The following SAMD12 variants were observed in gnomAD, a reference collection of about 807,000 sequenced individuals.
SAMD12 encodes sterile alpha motif domain containing 12.
In SAMD12, 9 loss-of-function variants were observed where a neutral mutation model predicts 15.0. The observed-to-expected ratio is 0.60, with a 90% CI of 0.36 to 1.05. The LOEUF (loss-of-function observed/expected upper bound fraction) is 1.05, where lower values mean the gene tolerates loss of function less well. Among genes scored for constraint, SAMD12 ranks in the 50% least tolerant of loss-of-function variants. The pLI is 0.01. For synonymous variants in SAMD12, 86 were observed against 90.1 expected, an observed-to-expected ratio of 0.96 and a Z score of 0.25; for missense variants, 230 against 234.2, an observed-to-expected ratio of 0.98 and a Z score of 0.12.
intron 2 of SAMD12, among the ~76,000 whole-genome samples, chr8:118,444,592 C>A (rs1822854897): frequency 6.9e-6 from 1 of 145,132 alleles, no homozygotes; most frequent in African/African-American, 2.6e-5. Flanking sequence ...ATAATAAATT[C>A]AGCTATGTTT....
intron 2 of SAMD12, among the ~76,000 whole-genome samples, chr8:118,468,797 T>C (rs1214610363): frequency 6.6e-6 from 1 of 152,166 alleles, no homozygotes; most frequent in African/African-American, 2.4e-5. Context: ...GTATTAATTC[T>C]TGTCACTGTG....
chr8:118,554,361 T>G (rs560817305), intron 2 of SAMD12, among the ~76,000 whole-genome samples: 2 of 151,880 alleles, frequency 1.3e-5, no homozygotes, highest in Non-Finnish European at 2.9e-5. Flanking sequence ...CCATAAAAAA[T>G]GATGAGTTCA....
intron 4 of SAMD12, among the ~76,000 whole-genome samples, chr8:118,223,108 A>G (rs1246306050): frequency 1.3e-5 from 2 of 152,216 alleles, no homozygotes; most frequent in Non-Finnish European, 2.9e-5. Flanking sequence ...AGAGATATTA[A>G]TATGAGGGTT....
intron 2 of SAMD12, among the ~76,000 whole-genome samples, chr8:118,560,220 T>C (rs1398317592): frequency 1.3e-5 from 2 of 152,254 alleles, no homozygotes; most frequent in African/African-American, 4.8e-5. Context: ...TCCTCAGTCA[T>C]GCCTTCCTAT....
At chr8:118,168,902 A>G in the SAMD12 span, among the ~76,000 whole-genome samples, 1 of 152,234 alleles carries the variant, frequency 6.6e-6, no homozygotes, top group African/African-American at 2.4e-5. Context: ...AGAAAGAAAA[A>G]GAATATTAAT....
At chr8:118,306,826 T>C (rs1815374058) in intron 4 of SAMD12, among the ~76,000 whole-genome samples, 1 of 152,188 alleles carries the variant, frequency 6.6e-6, no homozygotes, top group South Asian at 2.1e-4. Flanking sequence ...TAAAGCAAGG[T>C]CCTTGATCTT....
chr8:118,136,651 A>G, the SAMD12 span, among the ~76,000 whole-genome samples: 1 of 152,160 alleles, frequency 6.6e-6, no homozygotes, highest in Non-Finnish European at 1.5e-5. Flanking sequence ...AATTACTTCA[A>G]AGTTTCCCTT....
At position 118,553,838 on chromosome 8, in the gene SAMD12, A is replaced by T. The variant is rs1381007689; in HGVS notation, c.192+26877T>A. 5.4e-5 allele frequency among the ~76,000 whole-genome samples: 8 copies of T among 148,374 alleles called. No individual in the cohort carries two copies. In the East Asian group the frequency reaches 1.2e-3, roughly 22 times the overall value. On this transcript the variant is annotated intron_variant, in intron 2 of 3. Transcript: ENST00000314727. The stretch of plus-strand genomic sequence containing the variant: ...AATGAACTCAAACAAATTTACAAGA[A>T]AAAAACAAACAACCCCATCAAAAAG...
intron 2 of SAMD12, 88 bp downstream of exon 2, chr8:118,580,627 A>C (rs1164668689): frequency 3.5e-6 from 3 of 865,304 alleles, no homozygotes; most frequent in Non-Finnish European, 5.6e-6. Context: ...AATTAGTGAA[A>C]GCACTATCAG....
chr8:118,269,973 G>A (rs1258635119), intron 4 of SAMD12, among the ~76,000 whole-genome samples: 1 of 152,118 alleles, frequency 6.6e-6, no homozygotes, highest in Non-Finnish European at 1.5e-5. Flanking sequence ...CTTGCAAACT[G>A]GGGTCAGCAG....
At chr8:118,222,804 C>T (rs1052047954) in intron 4 of SAMD12, among the ~76,000 whole-genome samples, 3 of 151,990 alleles carry the variant, frequency 2.0e-5, no homozygotes, top group South Asian at 4.2e-4. Context: ...GGCACCCGGC[C>T]GAGGAAGTGC....
At chr8:118,308,316 A>C (rs1563751477) in intron 4 of SAMD12, among the ~76,000 whole-genome samples, 1 of 152,148 alleles carries the variant, frequency 6.6e-6, no homozygotes, top group African/African-American at 2.4e-5. Flanking sequence ...GATGATGGTG[A>C]TGATGACGAT....
At chr8:118,496,820 A>G (rs1824628039) in intron 2 of SAMD12, among the ~76,000 whole-genome samples, 1 of 152,112 alleles carries the variant, frequency 6.6e-6, no homozygotes, top group South Asian at 2.1e-4. Context: ...TACGCATCTG[A>G]CAGAAGTGTC....
intron 4 of SAMD12, among the ~76,000 whole-genome samples, chr8:118,364,827 A>G (rs1051338854): frequency 6.6e-6 from 1 of 152,074 alleles, no homozygotes; most frequent in Non-Finnish European, 1.5e-5. Flanking sequence ...ATCTATTACC[A>G]TGGGTTGTCT....
At chr8:118,574,028 T>A (rs551361089) in intron 2 of SAMD12, among the ~76,000 whole-genome samples, 22 of 152,286 alleles carry the variant, frequency 1.4e-4, no homozygotes, top group African/African-American at 4.8e-4. Flanking sequence ...CCAAGTGATG[T>A]CAGAGAATGT....
At chr8:118,591,707 TA>T (rs201398849) in intron 1 of SAMD12, among the ~76,000 whole-genome samples, 1 of 150,368 alleles carries the variant, frequency 6.7e-6, no homozygotes. Flanking sequence ...TTCAAATACA[TA>T]AAAAAAAACC....
chr8:118,486,415 A>C (rs1380043783), intron 2 of SAMD12, among the ~76,000 whole-genome samples: 3 of 114,292 alleles, frequency 2.6e-5, no homozygotes, highest in African/African-American at 3.9e-5. Context: ...GAATCCGTCT[A>C]AAAAAAAAAA....
intron 4 of SAMD12, among the ~76,000 whole-genome samples, chr8:118,243,367 G>A (rs912767566): frequency 2.0e-5 from 3 of 151,856 alleles, no homozygotes; most frequent in African/African-American, 4.8e-5. Flanking sequence ...TGAAAGAGCC[G>A]AAAAAATGGT....
chr8:118,470,492 C>T (rs1711739647), intron 2 of SAMD12, among the ~76,000 whole-genome samples: 1 of 152,126 alleles, frequency 6.6e-6, no homozygotes, highest in South Asian at 2.1e-4. Context: ...AACACTGACC[C>T]GAATGACTTT....
Sources: allele counts gnomAD v4.1 joint callset (sites outside exome capture counted in the v4.1 genomes callset), GRCh38; gene constraint gnomAD v4.1.1; transcripts MANE v1.5; gene names NCBI Gene and HGNC (gene_info 2026-07-23, HGNC 2026-07-21).